Variants in MED24 observed in about 807,000 individuals in gnomAD.
MED24 encodes the protein mediator complex subunit 24.
MED24 carries 74 observed loss-of-function variants against 118.8 expected under a neutral mutation model. That is an observed-to-expected ratio of 0.62 (90% CI 0.52 to 0.76). The LOEUF is 0.76. Among genes scored for constraint, MED24 ranks in the 30% least tolerant of loss-of-function variants. MED24 has a pLI of 0.00. For synonymous variants in MED24, 521 were observed against 523.9 expected (o/e 0.99, Z 0.08); for missense variants, 1,041 against 1,278.9 (o/e 0.81, Z 2.84).
At chr17:40,049,170 G>A (rs1248264170) in intron 3 of MED24, among the ~76,000 whole-genome samples, 4 of 151,674 alleles carry the variant, frequency 2.6e-5, no homozygotes, top group East Asian at 1.9e-4. Context: ...GTGAGACCCC[G>A]TTTCCACAAA....
Position 40,028,826 on chromosome 17 carries a change from T to C in MED24, c.1409A>G (p.Asn470Ser). The C allele has an allele frequency of 6.2e-7, 1 of 1,613,734 alleles. No individual in the cohort carries two copies. The highest frequency in any genetic ancestry group is 2.2e-5 in the East Asian group (1 of 44,874). ...GGGTCAGGGGCTTGGCCTTCCTCACTTGATGAATTTCCGGGCGAAGGATTT... is the reference window on the plus strand; with the variant it reads ...GGGTCAGGGGCTTGGCCTTCCTCACCTGATGAATTTCCGGGCGAAGGATTT... ...KLKSFARKFI[N>S]LNEFTTYGSE... Residue 470 changes from asparagine (N) to serine (S), a missense_variant and splice_region_variant, in exon 14 of 26, where the codon AAT becomes AGT. This residue lies in a region of MED24 where 587 missense variants were observed against 694.4 expected (regional missense o/e 0.85). Transcript: ENST00000394128.
At chr17:40,022,289 A>C in intron 22 of MED24, 105 bp downstream of exon 22, 1 of 1,231,676 alleles carries the variant, frequency 8.1e-7, no homozygotes, top group South Asian at 1.4e-5. Context: ...CAGCTGCCCC[A>C]AGGGCAGGGG....
Position 40,019,337 on chromosome 17 carries a change from A to G in MED24, c.*192T>C. 1 of 592,802 alleles carries G rather than the reference A, an allele frequency of 1.7e-6. No individual in the cohort carries two copies. The highest frequency in any genetic ancestry group is 3.0e-6 in the Non-Finnish European group (1 of 336,780). The allele number at this position is 592,802 out of a possible 1,614,324, so 36.7% of individuals were successfully genotyped here. On this transcript the variant is annotated 3_prime_UTR_variant, in exon 26 of 26. Transcript: ENST00000394128. ...CTCAGGTGCCAGCAGATGGAGAGGA[A>G]ATTTTGAAAGAAGAAACCGGGAGAC... is the stretch of plus-strand genomic sequence containing the variant.
rs763286935 is a variant in MED24 at position 40,023,346 on chromosome 17, G to A, written c.2035C>T (p.Gln679Ter). The change falls in exon 20 of 26, where the codon CAG becomes TAG. Residue 679 changes from glutamine to a stop codon, truncating the protein, a stop_gained. Coordinates refer to ENST00000394128, the MANE Select transcript of MED24 (RefSeq NM_014815.4). LOFTEE classifies it high-confidence loss of function. Reference sequence around the variant, plus strand: ...AACTTGATCTGCGTGGCTGTCTGCTGCAGCACGTCGGCACACATGCGCTCC... The same window carrying A: ...AACTTGATCTGCGTGGCTGTCTGCTACAGCACGTCGGCACACATGCGCTCC... ...ILERMCADVLQQTATQIKFPS... is the reference protein window; with the variant it reads ...ILERMCADVL 1.2e-6 allele frequency: 2 copies of A among 1,612,688 alleles called. No individual in the cohort carries two copies. Among genetic ancestry groups the A allele is most frequent in the Non-Finnish European group, 1.7e-6 (2 of 1,179,160 alleles).
intron 3 of MED24, among the ~76,000 whole-genome samples, chr17:40,047,743 T>C (rs1228632286): frequency 6.6e-6 from 1 of 151,746 alleles, no homozygotes; most frequent in Admixed American, 6.6e-5. Context: ...GATGTTTGTA[T>C]GTTCTGAGAC....
chr17:40,020,201 C>T, intron 24 of MED24, 72 bp downstream of exon 24: 1 of 1,389,638 alleles, frequency 7.2e-7, no homozygotes, highest in African/African-American at 1.5e-5. Flanking sequence ...CTGACAAGGT[C>T]TCCCAGCCTC....
intron 8 of MED24, 133 bp from the exon 9 acceptor site, chr17:40,032,895 G>A (rs760125004): frequency 6.1e-6 from 8 of 1,310,738 alleles, no homozygotes; most frequent in Non-Finnish European, 7.5e-6. Context: ...AGAACCAGGG[G>A]AGTAAGGTCC....
In MED24 at chr17:40,019,885, C is replaced by G. The variant is rs1473008960; in HGVS notation, c.2753G>C (p.Gly918Ala). Residue 918 changes from glycine to alanine, a missense_variant, in exon 25 of 26, where the codon GGC (glycine) becomes GCC (alanine). Around this residue, in one of 3 missense-constraint regions of MED24, gnomAD observed 587 missense variants for 694.4 expected, o/e 0.85. Coordinates refer to ENST00000394128, the MANE Select transcript of MED24 (RefSeq NM_014815.4). ...ISSILGSRTA[G>A]PHTQFVQWFM... ...CCACTGCACGAACTGGGTGTGGGGG[C>G]CAGCGGTGCGAGACCCCAGGATGGA... The G allele has an allele frequency of 6.3e-7, 1 of 1,580,370 alleles. No homozygotes were observed. The highest frequency in any genetic ancestry group is 1.3e-5 in the African/African-American group (1 of 74,352).
At chr17:40,050,944 A>G (rs1263740842) in intron 3 of MED24, among the ~76,000 whole-genome samples, 1 of 151,796 alleles carries the variant, frequency 6.6e-6, no homozygotes, top group Non-Finnish European at 1.5e-5. Context: ...TGAGACCAGC[A>G]TGACTAACGT....
Position 40,033,294 on chromosome 17 carries a change from C to T in MED24, c.671+51G>A, listed in dbSNP as rs1487188911. 4.3e-6 allele frequency: 7 copies of T among 1,611,772 alleles called. No homozygotes were observed. In the African/African-American group the frequency reaches 9.3e-5, roughly 22 times the overall value. On this transcript the variant is annotated intron_variant, in intron 7 of 25. Coordinates refer to ENST00000394128, the MANE Select transcript of MED24 (RefSeq NM_014815.4). This position sits in a 1 kb window ranked among gnomAD's most constrained non-coding sequence, Gnocchi z 5.2. ...GCACGGGTGCCACATCTTCCTACCC[C>T]AGGGCGTGTCCTCCCTCTCCCTTCT...
Position 40,053,542 on chromosome 17 carries a change from A to G in MED24, c.57T>C (p.Ser19=). 5 of 1,613,942 alleles carry G rather than the reference A, an allele frequency of 3.1e-6. No homozygotes were observed. Among genetic ancestry groups the G allele is most frequent in the Non-Finnish European group, 4.2e-6 (5 of 1,180,010 alleles). Residue 19 remains serine, a synonymous_variant, in exon 2 of 26, where the codon AGT becomes AGC. Transcript: ENST00000394128. ...AILQAWKERW[S]DYQWAINMKK... The stretch of plus-strand genomic sequence containing the variant: ...TCATGTTGATTGCCCATTGGTAGTC[A>G]CTCCAGCGCTCCTTCCAGGCTTGCA...
In MED24 at chr17:40,049,453, A is replaced by G. The variant is rs141794271; in HGVS notation, c.213+3845T>C. Reference sequence around the variant, plus strand: ...TCACACTGGACTGGGTGCCTTTCCCATGTATTCCCATAGCAAGGACAGTCC... The same window carrying G: ...TCACACTGGACTGGGTGCCTTTCCCGTGTATTCCCATAGCAAGGACAGTCC... On this transcript the variant is annotated intron_variant, in intron 3 of 25. Transcript: ENST00000394128. Among the ~76,000 whole-genome samples the G allele has an allele frequency of 6.6e-5, 10 of 152,314 alleles. No individual in the cohort carries two copies. In the East Asian group the frequency reaches 1.9e-3, roughly 29 times the overall value.
In MED24 at chr17:40,024,419, G is replaced by A. The variant is rs958553459; in HGVS notation, c.1986-1024C>T. Among the ~76,000 whole-genome samples the A allele has an allele frequency of 9.9e-5, 15 of 152,116 alleles. No homozygotes were observed. The South Asian group carries it at 1.7e-3, about 17-fold the overall frequency. On this transcript the variant is annotated intron_variant, in intron 19 of 25. Coordinates refer to ENST00000394128, the MANE Select transcript of MED24 (RefSeq NM_014815.4). ...TGTGGTGGCACATGCCTGTAATCCC[G>A]GCTACTCGGGAGGCTGAGGCAGGAG...
At chr17:40,050,246 C>T (rs540756047) in intron 3 of MED24, among the ~76,000 whole-genome samples, 1 of 139,730 alleles carries the variant, frequency 7.2e-6, no homozygotes, top group African/African-American at 2.7e-5. Flanking sequence ...GTCAGGAGTT[C>T]GAGACCAGCC....
intron 23 of MED24, chr17:40,020,567 C>T (rs1304610107): frequency 1.1e-5 from 12 of 1,054,620 alleles, no homozygotes; most frequent in African/African-American, 6.4e-5. Context: ...GCAGGAGGAT[C>T]GCTTGAGTCC....
At chr17:40,039,915 CT>C (rs1337533121) in intron 3 of MED24, among the ~76,000 whole-genome samples, 1 of 151,504 alleles carries the variant, frequency 6.6e-6, no homozygotes, top group Admixed American at 6.6e-5. Context: ...TCCCGAGTAG[CT>C]GGGACTACAG....
Position 40,044,445 on chromosome 17 carries a change from G to A in MED24, c.214-8291C>T, listed in dbSNP as rs531623794. Among the ~76,000 whole-genome samples the A allele has an allele frequency of 2.0e-5, 3 of 151,354 alleles. No individual in the cohort carries two copies. In the South Asian group the frequency reaches 6.3e-4, roughly 32 times the overall value. ...TGAGGCAGGAGAATTGCTTGAACCCGGGAGGCAGAGGTTGCAGTGAGCCAA... is the reference window on the plus strand; with the variant it reads ...TGAGGCAGGAGAATTGCTTGAACCCAGGAGGCAGAGGTTGCAGTGAGCCAA... On this transcript the variant is annotated intron_variant, in intron 3 of 25. Transcript: ENST00000394128.
chr17:40,044,356 C>T (rs984646999), intron 3 of MED24, among the ~76,000 whole-genome samples: 15 of 151,310 alleles, frequency 9.9e-5, no homozygotes, highest in African/African-American at 3.6e-4. Context: ...CCCGTATCTA[C>T]TAAAAATACA....
intron 20 of MED24, 132 bp downstream of exon 20, chr17:40,022,997 ACT>A (rs1348177214): frequency 2.9e-6 from 4 of 1,374,890 alleles, no homozygotes; most frequent in Non-Finnish European, 3.9e-6. Flanking sequence ...CAAGGAGGCA[ACT>A]CTGAGGCGAG....
Sources: allele counts gnomAD v4.1 joint callset (sites outside exome capture counted in the v4.1 genomes callset), GRCh38; gene constraint gnomAD v4.1.1; regional missense constraint gnomAD v4.1.1; non-coding constraint Gnocchi (gnomAD v3.1); transcripts MANE v1.5; gene names NCBI Gene and HGNC (gene_info 2026-07-23, HGNC 2026-07-21).